CDH12: variants seen among roughly 807,000 people sequenced by gnomAD.
The protein encoded by CDH12 is cadherin 12, also known as cadherin-12.
Under a neutral mutation model 74.1 loss-of-function variants are expected in CDH12, and 41 were observed. That is an observed-to-expected ratio of 0.55 (90% confidence interval 0.43 to 0.72). The LOEUF (loss-of-function observed/expected upper bound fraction) is 0.72. CDH12 is among the 30% of genes least tolerant of loss of function. CDH12 has a pLI of 0.00. For missense variants in CDH12, 945 were observed against 977.2 expected (o/e 0.97, Z 0.44); for synonymous variants, 399 against 355.0 (o/e 1.12, Z -1.39).
At chr5:22,036,194 T>G (rs1041744101) in intron 5 of CDH12, among the ~76,000 whole-genome samples, 1 of 152,218 alleles carries the variant, frequency 6.6e-6, no homozygotes, top group Admixed American at 6.5e-5. Context: ...AACATATCAA[T>G]TTTTTTAGCC....
intron 5 of CDH12, among the ~76,000 whole-genome samples, chr5:21,983,271 T>C (rs1478987728): frequency 6.6e-6 from 1 of 152,116 alleles, no homozygotes; most frequent in Admixed American, 6.6e-5. Context: ...AAATCATTTC[T>C]CTTCATACAT....
intron 9 of CDH12, among the ~76,000 whole-genome samples, chr5:21,813,544 G>A (rs1747872725): frequency 6.6e-6 from 1 of 151,970 alleles, no homozygotes; most frequent in African/African-American, 2.4e-5. Flanking sequence ...CACTCACATG[G>A]GCTCTCTATA....
chr5:21,940,720 T>C (rs1755290676), intron 6 of CDH12, among the ~76,000 whole-genome samples: 1 of 152,350 alleles, frequency 6.6e-6, no homozygotes, highest in African/African-American at 2.4e-5. Flanking sequence ...AGTATATATC[T>C]GATGATATAC....
chr5:21,937,831 C>T (rs2150086981), intron 6 of CDH12, among the ~76,000 whole-genome samples: 1 of 152,272 alleles, frequency 6.6e-6, no homozygotes, highest in South Asian at 2.1e-4. Context: ...CCCTGGAGGC[C>T]TCTCCACTGT....
At position 22,323,223 on chromosome 5, in the gene CDH12, G is replaced by A. The variant is rs992311256; in HGVS notation, c.-333+82034C>T. 3.3e-5 allele frequency among the ~76,000 whole-genome samples: 5 copies of A among 152,222 alleles called. 1 individual carries two copies. In the South Asian group the frequency reaches 1.0e-3, roughly 32 times the overall value. On this transcript the variant is annotated intron_variant, in intron 3 of 14. Transcript: ENST00000382254. ...ACCGGGACAGGTCTATACTCTGTAT[G>A]TTTCATGTTTTCTACCTCTTAGAAA...
intron 1 of CDH12, among the ~76,000 whole-genome samples, chr5:22,810,228 C>T (rs1749065670): frequency 6.6e-6 from 1 of 152,112 alleles, no homozygotes; most frequent in Non-Finnish European, 1.5e-5. Flanking sequence ...TTTTAATAAT[C>T]ATTTTAGTAT....
At chr5:22,599,462 C>T (rs1736750900) in intron 1 of CDH12, among the ~76,000 whole-genome samples, 1 of 152,266 alleles carries the variant, frequency 6.6e-6, no homozygotes, top group African/African-American at 2.4e-5. Context: ...TCTTATAGTG[C>T]ACGCTGATAA....
Position 22,825,920 on chromosome 5 carries a change from C to A in CDH12, c.-523+27138G>T, listed in dbSNP as rs547303921. 4.6e-5 allele frequency among the ~76,000 whole-genome samples: 7 copies of A among 151,912 alleles called. No homozygotes were observed. The East Asian group carries it at 1.4e-3, about 30-fold the overall frequency. The stretch of plus-strand genomic sequence containing the variant: ...TAGATGCTGATAATTAGTCAGTCTG[C>A]ATATATATTTTAGGACACATGTCAT... On this transcript the variant is annotated intron_variant, in intron 1 of 14. Transcript: ENST00000382254.
intron 1 of CDH12, among the ~76,000 whole-genome samples, chr5:22,743,036 G>A (rs531887057): frequency 2.0e-4 from 31 of 151,422 alleles, no homozygotes; most frequent in African/African-American, 7.2e-4. Context: ...CTCAAAGCAA[G>A]AGACATTTCC....
At position 22,248,704 on chromosome 5, in the gene CDH12, G is replaced by A. The variant is rs959346633; in HGVS notation, c.-332-36061C>T. Among the ~76,000 whole-genome samples the A allele has an allele frequency of 2.6e-5, 4 of 152,212 alleles. No individual in the cohort carries two copies. In the South Asian group the frequency reaches 8.3e-4, roughly 32 times the overall value. On this transcript the variant is annotated intron_variant, in intron 3 of 14. Coordinates refer to ENST00000382254, the MANE Select transcript of CDH12 (RefSeq NM_004061.5). Reference sequence around the variant, plus strand: ...ATTTGCTGATAAAACCTATCCAATAGTATCAATAGGTTCTTTCACATTCTC... The same window carrying A: ...ATTTGCTGATAAAACCTATCCAATAATATCAATAGGTTCTTTCACATTCTC...
intron 3 of CDH12, among the ~76,000 whole-genome samples, chr5:22,292,573 C>A (rs2150414172): frequency 6.6e-6 from 1 of 151,820 alleles, no homozygotes; most frequent in South Asian, 2.1e-4. Flanking sequence ...ACAAACAAAA[C>A]AAATTGCCCC....
chr5:22,835,889 A>G (rs1736796313), intron 1 of CDH12, among the ~76,000 whole-genome samples: 1 of 152,158 alleles, frequency 6.6e-6, no homozygotes, highest in African/African-American at 2.4e-5. Context: ...CTTCTCCTTC[A>G]GGGAAGTGAT....
intron 1 of CDH12, among the ~76,000 whole-genome samples, chr5:22,645,895 T>C (rs1739411334): frequency 1.3e-5 from 2 of 151,926 alleles, no homozygotes; most frequent in Non-Finnish European, 2.9e-5. Flanking sequence ...TTTTTAGACA[T>C]AATACTATTG....
chr5:22,283,361 T>A (rs1342088084), intron 3 of CDH12, among the ~76,000 whole-genome samples: 2 of 150,264 alleles, frequency 1.3e-5, no homozygotes, highest in Non-Finnish European at 3.0e-5. Flanking sequence ...TTTATATGTA[T>A]CACATTTATA....
At chr5:22,586,973 A>C (rs2126792709) in intron 1 of CDH12, among the ~76,000 whole-genome samples, 1 of 151,302 alleles carries the variant, frequency 6.6e-6, no homozygotes, top group South Asian at 2.1e-4. Flanking sequence ...CAGCCTTCCA[A>C]GTAGCTGAGA....
intron 1 of CDH12, among the ~76,000 whole-genome samples, chr5:22,692,672 T>C (rs1742146512): frequency 6.6e-6 from 1 of 152,222 alleles, no homozygotes; most frequent in African/African-American, 2.4e-5. Flanking sequence ...AGTGTTCTTT[T>C]GATGAAGTTG....
At chr5:22,424,023 A>AAAAAAAAAAG (rs1743782207) in intron 2 of CDH12, among the ~76,000 whole-genome samples, 1 of 147,766 alleles carries the variant, frequency 6.8e-6, no homozygotes, top group Non-Finnish European at 1.5e-5. Flanking sequence ...AAAAAAAAAA[A>AAAAAAAAAAG]AAAAGAAAAG....
At chr5:22,341,888 A>G (rs1739867246) in intron 3 of CDH12, among the ~76,000 whole-genome samples, 1 of 152,058 alleles carries the variant, frequency 6.6e-6, no homozygotes, top group Admixed American at 6.6e-5. Context: ...TGAATTTGCA[A>G]GCAAAAGATG....
intron 1 of CDH12, among the ~76,000 whole-genome samples, chr5:22,550,528 T>C (rs931000518): frequency 6.6e-6 from 1 of 152,162 alleles, no homozygotes; most frequent in Non-Finnish European, 1.5e-5. Flanking sequence ...TCATCCCACA[T>C]TGAAAGCTTC....
Sources: allele counts gnomAD v4.1 joint callset (sites outside exome capture counted in the v4.1 genomes callset), GRCh38; gene constraint gnomAD v4.1.1; transcripts MANE v1.5; gene names NCBI Gene and HGNC (gene_info 2026-07-23, HGNC 2026-07-21).